Variants in FRAS1 observed in about 807,000 individuals in gnomAD.
FRAS1 encodes extracellular matrix organizing protein FRAS1.
Under a neutral mutation model 435.2 loss-of-function variants are expected in FRAS1, and 290 were observed. That is an observed-to-expected ratio of 0.67 (90% CI 0.61 to 0.73). The LOEUF is 0.73. FRAS1 is among the 30% of genes least tolerant of loss of function. The pLI, the probability that FRAS1 is intolerant of heterozygous loss-of-function variation, is 0.00. For missense variants in FRAS1, 4,860 were observed against 5,001.5 expected, an observed-to-expected ratio of 0.97 and a Z score of 0.85; for synonymous variants, 1,800 against 1,851.0, an observed-to-expected ratio of 0.97 and a Z score of 0.71.
chr4:78,224,182 A>G (rs1177821986), intron 2 of FRAS1, among the ~76,000 whole-genome samples: 1 of 152,216 alleles, frequency 6.6e-6, no homozygotes, highest in African/African-American at 2.4e-5. Flanking sequence ...AATTAGATCT[A>G]TTGATCAGTG....
intron 29 of FRAS1, among the ~76,000 whole-genome samples, chr4:78,389,357 CATCAGTG>C (rs1187506993): frequency 1.3e-5 from 2 of 152,240 alleles, no homozygotes; most frequent in Non-Finnish European, 2.9e-5. Context: ...GTCACTTTCT[CATCAGTG>C]ATCACTCAAA....
At chr4:78,265,148 G>A (rs1439657628) in intron 7 of FRAS1, 40 bp downstream of exon 7, 11 of 1,376,204 alleles carry the variant, frequency 8.0e-6, no homozygotes, top group South Asian at 3.8e-5. Flanking sequence ...TTTGACATCC[G>A]TTCTCACACA....
At chr4:78,459,802 T>C (rs1051405533) in intron 47 of FRAS1, among the ~76,000 whole-genome samples, 1 of 152,218 alleles carries the variant, frequency 6.6e-6, no homozygotes, top group Non-Finnish European at 1.5e-5. Flanking sequence ...GCCTCTCTCC[T>C]TGGCTTGGAG....
At chr4:78,274,317 A>G (rs1285695625) in intron 9 of FRAS1, among the ~76,000 whole-genome samples, 1 of 151,956 alleles carries the variant, frequency 6.6e-6, no homozygotes, top group African/African-American at 2.4e-5. Context: ...TATCTCCTTC[A>G]GTTCTGCTGT....
At chr4:78,400,025 G>A (rs1213543396) in intron 29 of FRAS1, among the ~76,000 whole-genome samples, 1 of 152,030 alleles carries the variant, frequency 6.6e-6, no homozygotes, top group East Asian at 1.9e-4. Context: ...CCCCAACCTG[G>A]CTCCCTGAGC....
chr4:78,168,479 G>A (rs938212735), intron 2 of FRAS1, among the ~76,000 whole-genome samples: 2 of 151,606 alleles, frequency 1.3e-5, no homozygotes, highest in Admixed American at 6.6e-5. Context: ...AGGATGGTTT[G>A]GCAAATATAA....
intron 2 of FRAS1, among the ~76,000 whole-genome samples, chr4:78,075,148 T>A (rs17002918): frequency 0.13 from 19,254 of 152,190 alleles, 1,285 homozygotes; most frequent in Middle Eastern, 0.19. Context: ...GGCCTGGAGT[T>A]ATGTGTTGAT....
At chr4:78,367,244 A>ACCTGCTTC in intron 22 of FRAS1, among the ~76,000 whole-genome samples, 1 of 152,076 alleles carries the variant, frequency 6.6e-6, no homozygotes, top group Non-Finnish European at 1.5e-5. Flanking sequence ...GTCTCTAGAA[A>ACCTGCTTC]AAATTAAAAA....
At chr4:78,195,539 G>A (rs1000271858) in intron 2 of FRAS1, among the ~76,000 whole-genome samples, 3 of 152,230 alleles carry the variant, frequency 2.0e-5, no homozygotes, top group African/African-American at 7.2e-5. Flanking sequence ...CTAGCAATGA[G>A]CAAGGCTCTG....
intron 2 of FRAS1, among the ~76,000 whole-genome samples, chr4:78,126,915 C>A (rs1719392539): frequency 6.6e-6 from 1 of 152,060 alleles, no homozygotes; most frequent in Non-Finnish European, 1.5e-5. Context: ...GATGTGATAG[C>A]CTGAAGATAA....
chr4:78,482,317 T>G, intron 57 of FRAS1, 71 bp from the exon 58 acceptor site: 1 of 1,568,762 alleles, frequency 6.4e-7, no homozygotes, highest in Non-Finnish European at 8.8e-7. Context: ...GTTGTGACCT[T>G]TGCCCTAGTC....
intron 35 of FRAS1, among the ~76,000 whole-genome samples, chr4:78,426,635 C>T (rs917782730): frequency 1.3e-5 from 2 of 152,234 alleles, no homozygotes; most frequent in African/African-American, 4.8e-5. Flanking sequence ...ACCTGACTGA[C>T]TTTAGGACAA....
intron 61 of FRAS1, among the ~76,000 whole-genome samples, chr4:78,505,368 A>G (rs1272514490): frequency 6.6e-6 from 1 of 152,174 alleles, no homozygotes; most frequent in East Asian, 1.9e-4. Flanking sequence ...TACACCAATC[A>G]AATGTAGATT....
chr4:78,303,241 T>G (rs569403321), intron 14 of FRAS1, among the ~76,000 whole-genome samples: 2 of 152,258 alleles, frequency 1.3e-5, no homozygotes, highest in East Asian at 3.9e-4. Flanking sequence ...ACCAGTACCA[T>G]GCTGTTTTGG....
chr4:78,468,309 C>G (rs4975123), intron 50 of FRAS1, among the ~76,000 whole-genome samples: 146,371 of 152,252 alleles, frequency 0.96, 70,562 homozygotes, highest in East Asian at 1. Context: ...AAAAGATACT[C>G]ATTTAATTTC....
intron 14 of FRAS1, among the ~76,000 whole-genome samples, chr4:78,298,003 CCTCTCT>C (rs765903880): frequency 0.048 from 5,691 of 119,150 alleles, 185 homozygotes; most frequent in East Asian, 0.069. Context: ...TTAATTTGTT[CCTCTCT>C]CTCTCTCTCT....
At chr4:78,540,451 A>T in intron 73 of FRAS1, 80 bp from the exon 74 acceptor site, 1 of 834,614 alleles carries the variant, frequency 1.2e-6, no homozygotes, top group Non-Finnish European at 1.8e-6. Context: ...CAAGGCATAT[A>T]GTGGCAATTA....
intron 35 of FRAS1, among the ~76,000 whole-genome samples, chr4:78,425,573 G>A (rs1487258239): frequency 6.6e-6 from 1 of 152,138 alleles, no homozygotes; most frequent in African/African-American, 2.4e-5. Context: ...ATAACTCCCA[G>A]CTCTTCCTTT....
intron 2 of FRAS1, among the ~76,000 whole-genome samples, chr4:78,084,831 G>A (rs1348373946): frequency 2.6e-5 from 4 of 152,022 alleles, no homozygotes; most frequent in Admixed American, 6.6e-5. Context: ...TTTCTTGGCT[G>A]TTACAGTGAA....
Sources: gnomAD v4.1 joint callset for allele counts (sites outside exome capture counted in the v4.1 genomes callset) on GRCh38, gnomAD v4.1.1 for gene constraint, MANE v1.5 for transcripts, NCBI Gene and HGNC (gene_info 2026-07-23, HGNC 2026-07-21) for gene names.